Variants in FAM185A observed in about 807,000 individuals in gnomAD.
The protein encoded by FAM185A is family with sequence similarity 185 member A, also known as protein FAM185A.
In FAM185A, 21 loss-of-function variants were observed where a neutral mutation model predicts 45.7. The ratio of observed to expected loss-of-function variants is 0.46; its 90% CI spans 0.33 to 0.66. The LOEUF (loss-of-function observed/expected upper bound fraction) is 0.66. Among genes scored for constraint, FAM185A ranks in the 30% least tolerant of loss-of-function variants. FAM185A has a pLI of 0.03. For synonymous variants in FAM185A, 117 were observed against 194.0 expected, an observed-to-expected ratio of 0.60 and a Z score of 3.30; for missense variants, 305 against 485.4, an observed-to-expected ratio of 0.63 and a Z score of 3.49.
intron 7 of FAM185A, among the ~76,000 whole-genome samples, chr7:102,793,224 T>C (rs1796243819): frequency 6.6e-6 from 1 of 152,118 alleles, no homozygotes; most frequent in Non-Finnish European, 1.5e-5. Context: ...GTTGTTGTTG[T>C]TTTTTGAGAC....
At chr7:102,806,127 G>A (rs1054592478) in intron 7 of FAM185A, among the ~76,000 whole-genome samples, 2 of 139,826 alleles carry the variant, frequency 1.4e-5, no homozygotes, top group African/African-American at 5.8e-5. Context: ...TTTGGTTATT[G>A]TTTTAAGCTG....
intron 4 of FAM185A, among the ~76,000 whole-genome samples, chr7:102,766,255 C>T (rs1362186429): frequency 2.0e-5 from 3 of 152,278 alleles, no homozygotes; most frequent in African/African-American, 7.2e-5. Context: ...GAATAAAACT[C>T]TATTTTAAAT....
chr7:102,838,458 A>T, the FAM185A span, among the ~76,000 whole-genome samples: 5 of 150,288 alleles, frequency 3.3e-5, no homozygotes, highest in African/African-American at 7.3e-5. Context: ...TAAAAAAAAA[A>T]TTTTTTTTTT....
chr7:102,836,446 G>T, the FAM185A span, among the ~76,000 whole-genome samples: 7 of 152,268 alleles, frequency 4.6e-5, no homozygotes, highest in African/African-American at 7.2e-5. Flanking sequence ...CCCCCCTACA[G>T]ATAAGATTAC....
chr7:102,750,866 A>G (rs1013685134), intron 1 of FAM185A, among the ~76,000 whole-genome samples: 1 of 152,210 alleles, frequency 6.6e-6, no homozygotes, highest in African/African-American at 2.4e-5. Context: ...CTTGCTTCAT[A>G]TACCACTGCC....
chr7:102,826,724 CATAT>C, the FAM185A span, among the ~76,000 whole-genome samples: 1,910 of 61,626 alleles, frequency 0.031, 42 homozygotes, highest in Non-Finnish European at 0.053. Flanking sequence ...GACCCTGTCT[CATAT>C]ATATATATAT....
chr7:102,802,536 A>C (rs1796857157), intron 7 of FAM185A, among the ~76,000 whole-genome samples: 1 of 152,246 alleles, frequency 6.6e-6, no homozygotes, highest in African/African-American at 2.4e-5. Context: ...GGGATACAGC[A>C]AAGGCCACTT....
the FAM185A span, among the ~76,000 whole-genome samples, chr7:102,845,460 A>G: frequency 6.6e-6 from 1 of 152,228 alleles, no homozygotes; most frequent in Admixed American, 6.5e-5. Flanking sequence ...TCACAAGAAG[A>G]GAAATTTTGA....
chr7:102,814,520 T>C, the FAM185A span: 1 of 152,214 alleles, frequency 6.6e-6, no homozygotes, highest in Admixed American at 6.5e-5. Flanking sequence ...AATCAAACTT[T>C]AGATGTATTA....
the FAM185A span, among the ~76,000 whole-genome samples, chr7:102,825,111 T>G: frequency 3.9e-5 from 6 of 152,238 alleles, no homozygotes; most frequent in Non-Finnish European, 8.8e-5. Flanking sequence ...TGACTGTTCA[T>G]AAATACAGTC....
chr7:102,780,043 T>C (rs952384497), intron 6 of FAM185A, among the ~76,000 whole-genome samples: 1 of 152,092 alleles, frequency 6.6e-6, no homozygotes, highest in Non-Finnish European at 1.5e-5. Flanking sequence ...AAACTAGTTG[T>C]AGTAATATGC....
At chr7:102,803,686 G>A (rs1356140694) in intron 7 of FAM185A, among the ~76,000 whole-genome samples, 2 of 131,218 alleles carry the variant, frequency 1.5e-5, no homozygotes. Flanking sequence ...AGCCAGAGCA[G>A]TCAGACAAGA....
intron 6 of FAM185A, among the ~76,000 whole-genome samples, chr7:102,786,527 A>G (rs1795807230): frequency 6.6e-6 from 1 of 152,226 alleles, no homozygotes; most frequent in Non-Finnish European, 1.5e-5. Context: ...TGTCCTTCGT[A>G]GGGACATGGA....
intron 7 of FAM185A, among the ~76,000 whole-genome samples, chr7:102,798,574 G>T (rs1352428280): frequency 6.6e-6 from 1 of 151,986 alleles, no homozygotes; most frequent in Non-Finnish European, 1.5e-5. Context: ...TTGGGGAGGT[G>T]ATAAATAATA....
At chr7:102,802,122 G>A (rs1562878738) in intron 7 of FAM185A, among the ~76,000 whole-genome samples, 2 of 152,062 alleles carry the variant, frequency 1.3e-5, no homozygotes, top group Non-Finnish European at 2.9e-5. Flanking sequence ...TGACAGCACT[G>A]GACAGGTCAT....
downstream of FAM185A, among the ~76,000 whole-genome samples, chr7:102,812,317 C>G (rs1195516173): frequency 6.6e-6 from 1 of 152,186 alleles, no homozygotes; most frequent in Non-Finnish European, 1.5e-5. Flanking sequence ...CCCATACTTC[C>G]TAGCATAAAA....
intron 6 of FAM185A, among the ~76,000 whole-genome samples, chr7:102,779,974 G>A (rs1795305891): frequency 6.8e-6 from 1 of 147,372 alleles, no homozygotes; most frequent in South Asian, 2.2e-4. Flanking sequence ...GCTTCCCAAA[G>A]TACTGAGATT....
chr7:102,816,325 G>A, the FAM185A span: 1 of 152,232 alleles, frequency 6.6e-6, no homozygotes, highest in Non-Finnish European at 1.5e-5. Context: ...AGCAAGGGTG[G>A]TCCTAGGGAA....
chr7:102,794,984 G>T (rs1029399980), intron 7 of FAM185A, among the ~76,000 whole-genome samples: 9 of 152,200 alleles, frequency 5.9e-5, no homozygotes, highest in Non-Finnish European at 1.0e-4. Flanking sequence ...ACAAGTGGTT[G>T]CCATAGGTTA....
Sources: gnomAD v4.1 joint callset for allele counts (sites outside exome capture counted in the v4.1 genomes callset) on GRCh38, gnomAD v4.1.1 for gene constraint, MANE v1.5 for transcripts, NCBI Gene and HGNC (gene_info 2026-07-23, HGNC 2026-07-21) for gene names.